MPHOSPH9: variants seen among roughly 807,000 people sequenced by gnomAD.
MPHOSPH9 encodes M-phase phosphoprotein 9.
Under a neutral mutation model 145.5 loss-of-function variants are expected in MPHOSPH9, and 88 were observed. The ratio of observed to expected loss-of-function variants is 0.60; its 90% CI spans 0.51 to 0.72. MPHOSPH9 has a LOEUF of 0.72. Ranked by LOEUF, MPHOSPH9 falls within the 30% of genes least tolerant of loss-of-function variation. The probability of loss-of-function intolerance (pLI) is 0.00; values close to 1 mark genes in which losing one functional copy is unlikely to be tolerated. For missense variants in MPHOSPH9, 1,238 were observed against 1,386.6 expected (o/e 0.89, Z 1.70); for synonymous variants, 435 against 486.2 (o/e 0.89, Z 1.39).
chr12:123,190,010 C>T (rs2138200163), intron 13 of MPHOSPH9, among the ~76,000 whole-genome samples: 1 of 151,978 alleles, frequency 6.6e-6, no homozygotes, highest in Middle Eastern at 3.4e-3. Flanking sequence ...AGAAGTAACA[C>T]TAAGGATACA....
intron 8 of MPHOSPH9, among the ~76,000 whole-genome samples, chr12:123,205,690 G>A (rs965542888): frequency 6.6e-6 from 1 of 152,082 alleles, no homozygotes; most frequent in African/African-American, 2.4e-5. Flanking sequence ...GTGGTCTGGG[G>A]GAATAGTTGG....
chr12:123,153,744 C>A (rs61955251), downstream of MPHOSPH9, among the ~76,000 whole-genome samples: 3 of 121,746 alleles, frequency 2.5e-5, no homozygotes, highest in Non-Finnish European at 4.8e-5. Context: ...GCCTGGGCAA[C>A]AGAACTAGAG....
At chr12:123,165,650 C>T (rs1246417625) in intron 17 of MPHOSPH9, 173 bp from the exon 18 acceptor site, 1 of 562,304 alleles carries the variant, frequency 1.8e-6, no homozygotes, top group Non-Finnish European at 3.1e-6. Context: ...GTGAAGCCTC[C>T]AAGATGGGAT....
chr12:123,237,371 A>C (rs989415151), upstream of MPHOSPH9, among the ~76,000 whole-genome samples: 3 of 152,238 alleles, frequency 2.0e-5, no homozygotes, highest in Admixed American at 2.0e-4. Context: ...CAGAGGTTGC[A>C]GTGAGCCAAG....
chr12:123,163,647 A>C, intron 19 of MPHOSPH9: 1 of 253,756 alleles, frequency 3.9e-6, no homozygotes. Flanking sequence ...GGCATTTTTA[A>C]GTATTAGTTG....
intron 1 of MPHOSPH9, 76 bp downstream of exon 1, chr12:123,232,999 G>C (rs1169774353): frequency 6.6e-6 from 1 of 152,348 alleles, no homozygotes; most frequent in African/African-American, 2.4e-5. Flanking sequence ...TCAAGGGGCC[G>C]CTAAGACAGT....
intron 1 of MPHOSPH9, among the ~76,000 whole-genome samples, chr12:123,242,376 T>A (rs1398004473): frequency 1.3e-5 from 2 of 152,306 alleles, no homozygotes; most frequent in South Asian, 4.1e-4. Context: ...CATTTTTCTT[T>A]TTCTCTTTTT....
chr12:123,160,940 T>C, intron 22 of MPHOSPH9, 91 bp from the exon 23 acceptor site: 6 of 1,425,070 alleles, frequency 4.2e-6, no homozygotes, highest in Non-Finnish European at 5.8e-6. Context: ...TAGTATTTCC[T>C]TGTCCATTTC....
At position 123,156,163 on chromosome 12, in the gene MPHOSPH9, A is replaced by G. The variant is rs1199875223; in HGVS notation, c.*644T>C. 4.6e-5 allele frequency: 7 copies of G among 152,242 alleles called. No homozygotes were observed. The highest frequency in any genetic ancestry group is 1.5e-5 in the Non-Finnish European group (1 of 68,048). 9.4% of individuals were successfully genotyped at this position (152,242 alleles called of 1,614,324 possible). A position where few individuals can be genotyped will look rare whatever the true frequency, so the allele number is the denominator to read the frequency against. On this transcript the variant is annotated 3_prime_UTR_variant, in exon 24 of 24. Coordinates refer to ENST00000606320, the MANE Select transcript of MPHOSPH9 (RefSeq NM_022782.4). ...ATTGTTTAACTTTTTTAGAAAAGAT[A>G]AAATTAGAGAATTACAATCTCTCTT...
At position 123,221,356 on chromosome 12, in the gene MPHOSPH9, T is replaced by C. The variant is rs368398728; in HGVS notation, c.872+16A>G. On this transcript the variant is annotated intron_variant, in intron 5 of 23. Coordinates refer to ENST00000606320, the MANE Select transcript of MPHOSPH9 (RefSeq NM_022782.4). ...AATGTAATAAACTCCCTTCAAATGA[T>C]AGAAATTCTACTTACCTATTTGTTT... is the stretch of plus-strand genomic sequence containing the variant. 47 of 1,535,880 alleles carry C rather than the reference T, an allele frequency of 3.1e-5. 1 individual carries two copies. Among genetic ancestry groups the C allele is most frequent in the South Asian group, 8.8e-5 (7 of 79,646 alleles).
At chr12:123,166,422 A>G in intron 17 of MPHOSPH9, 1 of 534,604 alleles carries the variant, frequency 1.9e-6, no homozygotes, top group South Asian at 2.2e-5. Context: ...TCGACATCCT[A>G]TCCTAATCAC....
chr12:123,218,238 A>C, intron 6 of MPHOSPH9, 138 bp downstream of exon 6: 2 of 1,276,460 alleles, frequency 1.6e-6, no homozygotes, highest in Middle Eastern at 2.3e-4. Context: ...GTCTCAAAAA[A>C]ACAACAACAA....
downstream of MPHOSPH9, chr12:123,152,395 T>C (rs899443044): frequency 3.2e-5 from 11 of 348,910 alleles, no homozygotes; most frequent in Non-Finnish European, 6.2e-5. Context: ...CCGCGGAGCT[T>C]ACAGCTTCAC....
intron 22 of MPHOSPH9, 32 bp downstream of exon 22, chr12:123,161,104 A>G: frequency 6.2e-7 from 1 of 1,608,874 alleles, no homozygotes. Context: ...AAGTTCAGAA[A>G]ACAATTTTTA....
chr12:123,189,570 T>C (rs1051325772), intron 13 of MPHOSPH9, among the ~76,000 whole-genome samples: 2 of 152,054 alleles, frequency 1.3e-5, no homozygotes, highest in Non-Finnish European at 2.9e-5. Flanking sequence ...TAAACAGAAA[T>C]GAAGTTGTGC....
At position 123,166,695 on chromosome 12, in the gene MPHOSPH9, T is replaced by C. The variant is rs1429504851; in HGVS notation, c.2551A>G (p.Ser851Gly). The C allele has an allele frequency of 3.7e-6, 6 of 1,613,866 alleles. No individual in the cohort carries two copies. The Admixed American group carries it at 1.0e-4, about 27-fold the overall frequency. ...FTGQPLDTQD[S>G]NVDNQLEETC... is the part of the protein sequence containing the mutation. ...TCCTCCAGCTGGTTATCCACGTTAC[T>C]GTCCTGGGTGTCCAGAGGCTGGCCA... The change falls in exon 17 of 24, where the codon AGT becomes GGT. Residue 851 changes from serine to glycine, a missense_variant. This residue lies in a region of MPHOSPH9 where 393 missense variants were observed against 462.5 expected (regional missense o/e 0.85). Coordinates refer to ENST00000606320, the MANE Select transcript of MPHOSPH9 (RefSeq NM_022782.4).
downstream of MPHOSPH9, chr12:123,153,375 C>T (rs376720630): frequency 6.6e-6 from 1 of 152,026 alleles, no homozygotes; most frequent in Non-Finnish European, 1.5e-5. Flanking sequence ...TTTTGCAAAG[C>T]GTGAAGAGAA....
At chr12:123,217,901 C>T (rs1412370550) in intron 6 of MPHOSPH9, among the ~76,000 whole-genome samples, 3 of 151,882 alleles carry the variant, frequency 2.0e-5, no homozygotes, top group Non-Finnish European at 2.9e-5. Flanking sequence ...AAAAATTAGC[C>T]GGGCGTGGTG....
intron 23 of MPHOSPH9, chr12:123,160,365 G>C (rs1475298735): frequency 5.9e-6 from 1 of 169,998 alleles, no homozygotes; most frequent in Admixed American, 6.0e-5. Flanking sequence ...CAGCTATTCA[G>C]TTTCCAAAGT....
Sources: gnomAD v4.1 joint callset for allele counts (sites outside exome capture counted in the v4.1 genomes callset) on GRCh38, gnomAD v4.1.1 for gene constraint, gnomAD v4.1.1 regional missense constraint, MANE v1.5 for transcripts, NCBI Gene and HGNC (gene_info 2026-07-23, HGNC 2026-07-21) for gene names.